The following C1QTNF3 variants were observed in gnomAD, a reference collection of about 807,000 sequenced individuals.
C1QTNF3 encodes the protein complement C1q tumor necrosis factor-related protein 3.
Under a neutral mutation model 32.6 loss-of-function variants are expected in C1QTNF3, and 26 were observed. The ratio of observed to expected loss-of-function variants is 0.80; its 90% CI spans 0.58 to 1.11. The LOEUF (loss-of-function observed/expected upper bound fraction) is 1.11, where lower values mean the gene tolerates loss of function less well. Among genes scored for constraint, C1QTNF3 ranks in the 50% least tolerant of loss-of-function variants. C1QTNF3 has a pLI of 0.00. For missense variants in C1QTNF3, 362 were observed against 398.2 expected (o/e 0.91, Z 0.77); for synonymous variants, 155 against 146.0 (o/e 1.06, Z -0.44).
chr5:34,209,105 G>A, the C1QTNF3 span, among the ~76,000 whole-genome samples: 1 of 152,176 alleles, frequency 6.6e-6, no homozygotes, highest in African/African-American at 2.4e-5. Context: ...AATGTCAATA[G>A]TATTGAAGGT....
the C1QTNF3 span, among the ~76,000 whole-genome samples, chr5:34,069,498 A>G: frequency 6.6e-6 from 1 of 152,194 alleles, no homozygotes; most frequent in Non-Finnish European, 1.5e-5. Flanking sequence ...TGAATAAACA[A>G]ATTAATGAAT....
the C1QTNF3 span, among the ~76,000 whole-genome samples, chr5:34,087,576 T>G: frequency 7.5e-6 from 1 of 133,678 alleles, no homozygotes; most frequent in Admixed American, 7.4e-5. Flanking sequence ...TTGTCTTTTT[T>G]TTTTTTTTTT....
At chr5:34,222,531 T>C in the C1QTNF3 span, among the ~76,000 whole-genome samples, 2 of 151,954 alleles carry the variant, frequency 1.3e-5, no homozygotes, top group African/African-American at 4.8e-5. Flanking sequence ...TTTATGTCTA[T>C]GGTTACCCTA....
the C1QTNF3 span, among the ~76,000 whole-genome samples, chr5:34,121,677 G>T: frequency 2.6e-5 from 4 of 152,126 alleles, no homozygotes; most frequent in African/African-American, 9.7e-5. Context: ...GTAAATATTT[G>T]CACAGGGAGA....
chr5:34,220,520 C>A, the C1QTNF3 span, among the ~76,000 whole-genome samples: 9 of 150,848 alleles, frequency 6.0e-5, no homozygotes, highest in Admixed American at 1.3e-4. Flanking sequence ...ACACACACAC[C>A]ACACACGCAC....
the C1QTNF3 span, among the ~76,000 whole-genome samples, chr5:34,083,642 G>C: frequency 1.3e-5 from 2 of 151,722 alleles, no homozygotes; most frequent in African/African-American, 2.4e-5. Context: ...AAGACATTCT[G>C]CTAATTTTGC....
At chr5:34,230,067 C>T in the C1QTNF3 span, among the ~76,000 whole-genome samples, 2 of 152,092 alleles carry the variant, frequency 1.3e-5, no homozygotes, top group Non-Finnish European at 2.9e-5. Context: ...TATACCAGCA[C>T]CTTAATCTTG....
At chr5:34,156,506 A>T in the C1QTNF3 span, among the ~76,000 whole-genome samples, 2 of 152,244 alleles carry the variant, frequency 1.3e-5, no homozygotes, top group African/African-American at 4.8e-5. Flanking sequence ...AGCATGTCTA[A>T]TACTATGTGG....
intron 1 of C1QTNF3, among the ~76,000 whole-genome samples, chr5:34,040,946 G>T: frequency 6.6e-6 from 1 of 151,870 alleles, no homozygotes; most frequent in East Asian, 1.9e-4. Context: ...TTAACACATG[G>T]CATTTAATTA....
chr5:34,037,840 A>G (rs1358227884), intron 1 of C1QTNF3, among the ~76,000 whole-genome samples: 2 of 152,176 alleles, frequency 1.3e-5, no homozygotes, highest in East Asian at 3.8e-4. Flanking sequence ...TTCTAATCCA[A>G]AACTGTAATC....
chr5:34,035,641 C>T lies in C1QTNF3; in HGVS notation c.415+6G>A, dbSNP rs1228676054. 2 of 1,596,958 alleles carry T rather than the reference C, an allele frequency of 1.3e-6. No individual in the cohort carries two copies. Among genetic ancestry groups the T allele is most frequent in the Non-Finnish European group, 1.7e-6 (2 of 1,165,464 alleles). ...TAGATTGACAGTATGTCTTGCTCAT[C>T]CTTACCTGGAATGCCAGGAGGGCCC... On this transcript the variant is annotated splice_donor_region_variant and intron_variant, in intron 2 of 5. Transcript: ENST00000382065.
chr5:34,163,314 A>G, the C1QTNF3 span, among the ~76,000 whole-genome samples: 2 of 152,134 alleles, frequency 1.3e-5, no homozygotes, highest in Non-Finnish European at 2.9e-5. Flanking sequence ...AAACCTTCGC[A>G]TGTACCCGCA....
chr5:34,072,367 G>GAGAAAT, the C1QTNF3 span, among the ~76,000 whole-genome samples: 1 of 109,684 alleles, frequency 9.1e-6, no homozygotes, highest in Admixed American at 9.1e-5. Flanking sequence ...AATTAAAAAA[G>GAGAAAT]AAAGAGAAAG....
At chr5:34,066,997 C>G in the C1QTNF3 span, among the ~76,000 whole-genome samples, 1 of 152,118 alleles carries the variant, frequency 6.6e-6, no homozygotes, top group South Asian at 2.1e-4. Context: ...ACCAAATACC[C>G]TAAATCATTT....
intron 1 of C1QTNF3, among the ~76,000 whole-genome samples, 160 bp downstream of exon 1, chr5:34,042,663 C>A (rs1005080333): frequency 1.3e-5 from 2 of 152,114 alleles, no homozygotes; most frequent in Admixed American, 6.5e-5. Context: ...TCTCTTGTAC[C>A]CAAGAGCAAT....
chr5:34,056,454 G>GTATATATATATA, the C1QTNF3 span, among the ~76,000 whole-genome samples: 17 of 48,942 alleles, frequency 3.5e-4, no homozygotes, highest in East Asian at 9.8e-4. Context: ...GTGTGTGTGT[G>GTATATATATATA]TATATATATA....
At chr5:34,241,763 G>C in the C1QTNF3 span, among the ~76,000 whole-genome samples, 2 of 151,468 alleles carry the variant, frequency 1.3e-5, no homozygotes, top group African/African-American at 4.9e-5. Context: ...TTTTTAAATA[G>C]CGAGGCATGG....
the C1QTNF3 span, chr5:34,124,113 T>A: frequency 1.8e-4 from 41 of 228,826 alleles, no homozygotes; most frequent in Non-Finnish European, 3.1e-4. Flanking sequence ...TCCCTTATTA[T>A]AAAATATTTA....
At chr5:34,086,082 A>AT in the C1QTNF3 span, among the ~76,000 whole-genome samples, 2 of 149,898 alleles carry the variant, frequency 1.3e-5, no homozygotes, top group African/African-American at 5.0e-5. Flanking sequence ...AATGTGGCAC[A>AT]TATACACCAT....
Sources: gnomAD v4.1 joint callset for allele counts (sites outside exome capture counted in the v4.1 genomes callset) on GRCh38, gnomAD v4.1.1 for gene constraint, MANE v1.5 for transcripts, NCBI Gene and HGNC (gene_info 2026-07-23, HGNC 2026-07-21) for gene names.